Variants in MSI2 observed in about 807,000 individuals in gnomAD.
MSI2 encodes the protein RNA-binding protein Musashi homolog 2.
Under a neutral mutation model 45.6 loss-of-function variants are expected in MSI2, and 17 were observed. That is an observed-to-expected ratio of 0.37 (90% CI 0.26 to 0.56). MSI2 has a LOEUF of 0.56. Among genes scored for constraint, MSI2 ranks in the 20% least tolerant of loss-of-function variants. The pLI is 0.77. For synonymous variants in MSI2, 156 were observed against 158.2 expected (o/e 0.99, Z 0.11); for missense variants, 293 against 444.2 (o/e 0.66, Z 3.06).
At chr17:57,643,570 C>T (rs1191453851) in intron 10 of MSI2, among the ~76,000 whole-genome samples, 1 of 152,232 alleles carries the variant, frequency 6.6e-6, no homozygotes, top group African/African-American at 2.4e-5. Context: ...CCCCTGGTTC[C>T]GCACTTGCCT....
intron 7 of MSI2, among the ~76,000 whole-genome samples, chr17:57,580,374 T>C (rs902959826): frequency 5.3e-5 from 8 of 152,226 alleles, no homozygotes; most frequent in African/African-American, 1.4e-4. Flanking sequence ...TGGCTTTACC[T>C]TGACCCCTGG....
chr17:57,448,957 G>A (rs748667270), intron 6 of MSI2: 40 of 152,232 alleles, frequency 2.6e-4, no homozygotes, highest in African/African-American at 6.8e-4. Flanking sequence ...AGGGCCTAGC[G>A]TGATGCCTGG....
At position 57,622,602 on chromosome 17, in the gene MSI2, C is replaced by T. The variant is rs73992105; in HGVS notation, c.653-4627C>T. On this transcript the variant is annotated intron_variant, in intron 9 of 13. Coordinates refer to ENST00000284073, the MANE Select transcript of MSI2 (RefSeq NM_138962.4). The stretch of plus-strand genomic sequence containing the variant: ...GGTGCAGTCGTACTGAGAAGCCCCG[C>T]GTGAAGTCCTGACTCAGTGTTCCCT... Among the ~76,000 whole-genome samples, 1,355 of 147,738 alleles carry T rather than the reference C, an allele frequency of 9.2e-3. 20 individuals carry two copies. The highest frequency in any genetic ancestry group is 0.035 in the African/African-American group (1,305 of 37,400).
chr17:57,586,659 A>C (rs974873087), intron 7 of MSI2, among the ~76,000 whole-genome samples: 4 of 152,190 alleles, frequency 2.6e-5, no homozygotes, highest in Admixed American at 6.5e-5. Flanking sequence ...GGGTGCCTGA[A>C]CCTGGGAGAA....
chr17:57,617,852 C>T (rs1266918772), intron 9 of MSI2, among the ~76,000 whole-genome samples: 1 of 152,104 alleles, frequency 6.6e-6, no homozygotes, highest in Non-Finnish European at 1.5e-5. Flanking sequence ...AGATGGATCA[C>T]CTGAGGTCAG....
intron 5 of MSI2, among the ~76,000 whole-genome samples, chr17:57,290,189 C>A (rs1336422297): frequency 2.0e-5 from 3 of 152,216 alleles, no homozygotes; most frequent in Non-Finnish European, 4.4e-5. Context: ...AGTAATAGTA[C>A]CTACTCTGGG....
chr17:57,353,114 A>G (rs533103714), intron 5 of MSI2, among the ~76,000 whole-genome samples: 2 of 152,304 alleles, frequency 1.3e-5, no homozygotes, highest in African/African-American at 4.8e-5. Context: ...TCATTGGCCC[A>G]TCTTTCCCCA....
chr17:57,434,067 T>G (rs2084648408), intron 6 of MSI2, among the ~76,000 whole-genome samples: 1 of 152,228 alleles, frequency 6.6e-6, no homozygotes, highest in South Asian at 2.1e-4. Flanking sequence ...TCACTTCACA[T>G]ACTTATCATT....
chr17:57,569,599 T>A (rs890971164), intron 7 of MSI2, among the ~76,000 whole-genome samples: 3 of 152,210 alleles, frequency 2.0e-5, no homozygotes, highest in African/African-American at 7.2e-5. Context: ...TTCAAGATGT[T>A]AGAGGAAGAA....
At chr17:57,358,910 T>A (rs1916632765) in intron 5 of MSI2, among the ~76,000 whole-genome samples, 1 of 152,014 alleles carries the variant, frequency 6.6e-6, no homozygotes, top group African/African-American at 2.4e-5. Context: ...CCTCATACTT[T>A]GAGATTGGTT....
intron 6 of MSI2, among the ~76,000 whole-genome samples, chr17:57,436,186 G>C (rs551716563): frequency 6.6e-6 from 1 of 152,168 alleles, no homozygotes; most frequent in Admixed American, 6.5e-5. Context: ...GAATACAGGC[G>C]TGGCCGTGGG....
rs554130717 is a variant in MSI2 at position 57,566,088 on chromosome 17, T to C, written c.455-30780T>C. ...TCACATCTGCAGATAGGGTTCGAGG[T>C]AGAGCGGCCTTTTGGGTTTTCTCCT... On this transcript the variant is annotated intron_variant, in intron 7 of 13. Coordinates refer to ENST00000284073, the MANE Select transcript of MSI2 (RefSeq NM_138962.4). The C allele has an allele frequency of 2.6e-5, 4 of 152,216 alleles. No homozygotes were observed. In the East Asian group the frequency reaches 7.7e-4, roughly 29 times the overall value. The allele number at this position is 152,216 out of a possible 1,614,324, so 9.4% of individuals were successfully genotyped here.
rs556197796 is a variant in MSI2 at position 57,510,669 on chromosome 17, C to G, written c.406-19007C>G. 3.8e-3 allele frequency among the ~76,000 whole-genome samples: 578 copies of G among 151,738 alleles called. 6 individuals carry two copies. The highest frequency in any genetic ancestry group is 0.013 in the African/African-American group (525 of 41,078). ...TCTCAAACTCCTGACCTCAGGTGAT[C>G]CACCCACCTCTGCCTCCCAAAGTGC... On this transcript the variant is annotated intron_variant, in intron 6 of 13. Coordinates refer to ENST00000284073, the MANE Select transcript of MSI2 (RefSeq NM_138962.4).
At chr17:57,537,844 G>A (rs2086954186) in intron 7 of MSI2, among the ~76,000 whole-genome samples, 1 of 152,166 alleles carries the variant, frequency 6.6e-6, no homozygotes, top group African/African-American at 2.4e-5. Context: ...AAAGCCAGGG[G>A]GAGTTTGGTA....
chr17:57,616,663 T>C (rs1598456125), intron 9 of MSI2: 1 of 151,788 alleles, frequency 6.6e-6, no homozygotes, highest in Non-Finnish European at 1.5e-5. Context: ...AGACAAAGTG[T>C]GTTTGTTCTG....
intron 6 of MSI2, among the ~76,000 whole-genome samples, chr17:57,435,892 A>G (rs1023020862): frequency 5.9e-5 from 9 of 152,298 alleles, no homozygotes; most frequent in Admixed American, 4.6e-4. Context: ...CACACTCTTA[A>G]TAGGAGACTT....
intron 6 of MSI2, among the ~76,000 whole-genome samples, chr17:57,482,293 C>T (rs765411453): frequency 4.6e-5 from 7 of 152,178 alleles, no homozygotes; most frequent in Non-Finnish European, 8.8e-5. Flanking sequence ...GAAACACCAT[C>T]GGCTCACAGT....
At chr17:57,573,639 G>C (rs1045104663) in intron 7 of MSI2, among the ~76,000 whole-genome samples, 1 of 152,198 alleles carries the variant, frequency 6.6e-6, no homozygotes, top group Non-Finnish European at 1.5e-5. Flanking sequence ...AAGGATAACC[G>C]ACCAGCCATT....
At chr17:57,293,984 G>A (rs1474519855) in intron 5 of MSI2, among the ~76,000 whole-genome samples, 1 of 150,174 alleles carries the variant, frequency 6.7e-6, no homozygotes, top group Non-Finnish European at 1.5e-5. Flanking sequence ...CACTTTTTCT[G>A]AGGCTTGTTC....
Sources: gnomAD v4.1 joint callset for allele counts (sites outside exome capture counted in the v4.1 genomes callset) on GRCh38, gnomAD v4.1.1 for gene constraint, MANE v1.5 for transcripts, NCBI Gene and HGNC (gene_info 2026-07-23, HGNC 2026-07-21) for gene names.